The following CDH18 variants were observed in gnomAD, a reference collection of about 807,000 sequenced individuals.
CDH18 encodes the protein cadherin-18.
A neutral mutation model predicts 67.9 loss-of-function variants in CDH18; 31 were observed. The ratio of observed to expected loss-of-function variants is 0.46; its 90% CI spans 0.34 to 0.62. The LOEUF is 0.62. Among genes scored for constraint, CDH18 ranks in the 20% least tolerant of loss-of-function variants. CDH18 has a pLI of 0.01. For synonymous variants in CDH18, 362 were observed against 347.2 expected, an observed-to-expected ratio of 1.04 and a Z score of -0.48; for missense variants, 890 against 975.5, an observed-to-expected ratio of 0.91 and a Z score of 1.17.
At chr5:20,177,605 G>A (rs943828088) in intron 2 of CDH18, among the ~76,000 whole-genome samples, 1 of 152,054 alleles carries the variant, frequency 6.6e-6, no homozygotes, top group South Asian at 2.1e-4. Flanking sequence ...GGGTGTGTCT[G>A]GAGGAGATTC....
At chr5:20,193,982 C>T (rs1217459793) in intron 2 of CDH18, among the ~76,000 whole-genome samples, 1 of 152,098 alleles carries the variant, frequency 6.6e-6, no homozygotes, top group Non-Finnish European at 1.5e-5. Flanking sequence ...GACAAACCCA[C>T]AACCAATATC....
At chr5:19,746,119 C>T (rs1769963842) in intron 4 of CDH18, among the ~76,000 whole-genome samples, 1 of 151,900 alleles carries the variant, frequency 6.6e-6, no homozygotes, top group African/African-American at 2.4e-5. Flanking sequence ...GTAGAAGAAC[C>T]ATTTTTAAAC....
intron 1 of CDH18, among the ~76,000 whole-genome samples, chr5:20,515,791 G>A (rs1236354870): frequency 2.0e-5 from 3 of 151,976 alleles, no homozygotes; most frequent in Admixed American, 6.6e-5. Context: ...CTTAGAAACC[G>A]ATGCCAGTTT....
intron 4 of CDH18, among the ~76,000 whole-genome samples, chr5:19,724,651 A>G (rs1354545347): frequency 6.7e-6 from 1 of 149,644 alleles, no homozygotes; most frequent in Non-Finnish European, 1.5e-5. Context: ...TACCATTGTG[A>G]AAAAAAAAAG....
intron 1 of CDH18, among the ~76,000 whole-genome samples, chr5:20,501,555 TA>T (rs200087350): frequency 0.4 from 16,010 of 39,922 alleles, 1,952 homozygotes; most frequent in East Asian, 0.55. Flanking sequence ...ATTATATATA[TA>T]ATATATATAT....
At position 19,940,887 on chromosome 5, in the gene CDH18, T is replaced by C. The variant is rs368961618; in HGVS notation, c.-257+40173A>G. ...CCCAAGTAGAATTCAAGATACAGAA[T>C]GGAACTATATTTTCCTTGTTTAGTT... On this transcript the variant is annotated intron_variant, in intron 2 of 12. Transcript: ENST00000382275. 3.3e-4 allele frequency among the ~76,000 whole-genome samples: 51 copies of C among 152,288 alleles called. No individual in the cohort carries two copies. In the South Asian group the frequency reaches 9.7e-3, roughly 29 times the overall value.
chr5:19,912,135 A>G (rs1791215710), intron 2 of CDH18, among the ~76,000 whole-genome samples: 1 of 152,086 alleles, frequency 6.6e-6, no homozygotes, highest in Non-Finnish European at 1.5e-5. Context: ...GAGAGCATAG[A>G]GGAAGAAAAA....
At chr5:19,604,322 A>G (rs1466183454) in intron 6 of CDH18, among the ~76,000 whole-genome samples, 1 of 152,050 alleles carries the variant, frequency 6.6e-6, no homozygotes, top group Non-Finnish European at 1.5e-5. Context: ...ATTTGTTAGA[A>G]CTATTTACTA....
chr5:20,091,900 A>G (rs1176890232), intron 2 of CDH18, among the ~76,000 whole-genome samples: 1 of 152,180 alleles, frequency 6.6e-6, no homozygotes, highest in Admixed American at 6.5e-5. Flanking sequence ...GTGAAGTTAC[A>G]TTAATTGAGA....
chr5:20,320,685 C>T (rs1194668756), intron 1 of CDH18, among the ~76,000 whole-genome samples: 3 of 152,176 alleles, frequency 2.0e-5, no homozygotes, highest in African/African-American at 7.2e-5. Context: ...TGCTGTATAG[C>T]AAAGGGGCCA....
intron 2 of CDH18, among the ~76,000 whole-genome samples, chr5:20,210,212 C>A (rs1435549709): frequency 6.6e-6 from 1 of 151,780 alleles, no homozygotes; most frequent in Non-Finnish European, 1.5e-5. Context: ...TGACAAGTAA[C>A]TGAGTTTTAA....
chr5:20,119,003 G>T (rs1333319763), intron 2 of CDH18, among the ~76,000 whole-genome samples: 2 of 152,032 alleles, frequency 1.3e-5, no homozygotes, highest in South Asian at 4.2e-4. Flanking sequence ...AGACTATTTT[G>T]CACAATTATA....
chr5:20,359,080 T>C (rs1193234010), intron 1 of CDH18, among the ~76,000 whole-genome samples: 1 of 152,036 alleles, frequency 6.6e-6, no homozygotes, highest in African/African-American at 2.4e-5. Context: ...TACAGGAGTG[T>C]GCCACCATGC....
At chr5:19,684,485 T>G (rs1390461360) in intron 5 of CDH18, among the ~76,000 whole-genome samples, 1 of 150,526 alleles carries the variant, frequency 6.6e-6, no homozygotes, top group Non-Finnish European at 1.5e-5. Flanking sequence ...ATAACTAAAT[T>G]TATATGTATA....
chr5:19,490,370 G>A (rs1359434579), intron 11 of CDH18, among the ~76,000 whole-genome samples: 3 of 123,062 alleles, frequency 2.4e-5, no homozygotes, highest in Non-Finnish European at 3.3e-5. Flanking sequence ...TTTTATATAT[G>A]ATATATCACA....
At chr5:19,834,016 G>A (rs1007041874) in intron 3 of CDH18, among the ~76,000 whole-genome samples, 1 of 152,074 alleles carries the variant, frequency 6.6e-6, no homozygotes, top group Non-Finnish European at 1.5e-5. Context: ...TTGGTATCAG[G>A]ATGATGCCGG....
At chr5:20,235,388 G>A (rs10035640) in intron 2 of CDH18, among the ~76,000 whole-genome samples, 106,605 of 151,992 alleles carry the variant, frequency 0.7, 38,042 homozygotes, top group African/African-American at 0.85. Flanking sequence ...TTTAACAAAG[G>A]CCTATTATCC....
chr5:20,234,530 G>T (rs1174077955), intron 2 of CDH18, among the ~76,000 whole-genome samples: 1 of 152,054 alleles, frequency 6.6e-6, no homozygotes. Flanking sequence ...ATATCAAGAT[G>T]ATGGCCATCT....
At chr5:19,976,342 A>G (rs1428911413) in intron 2 of CDH18, among the ~76,000 whole-genome samples, 1 of 152,126 alleles carries the variant, frequency 6.6e-6, no homozygotes, top group Non-Finnish European at 1.5e-5. Flanking sequence ...CAGAAAAAAG[A>G]GTTGAGGGGA....
Sources: gnomAD v4.1 joint callset for allele counts (sites outside exome capture counted in the v4.1 genomes callset) on GRCh38, gnomAD v4.1.1 for gene constraint, MANE v1.5 for transcripts, NCBI Gene and HGNC (gene_info 2026-07-23, HGNC 2026-07-21) for gene names.